BRDT: variants seen among roughly 807,000 people sequenced by gnomAD.
BRDT encodes bromodomain testis-specific protein.
BRDT carries 77 observed loss-of-function variants against 113.9 expected under a neutral mutation model. The ratio of observed to expected loss-of-function variants is 0.68; its 90% CI spans 0.56 to 0.82. The LOEUF is 0.82. BRDT is among the 40% of genes least tolerant of loss of function. The pLI, the probability that BRDT is intolerant of heterozygous loss-of-function variation, is 0.00. For missense variants in BRDT, 1,027 were observed against 1,105.4 expected (o/e 0.93, Z 1.01); for synonymous variants, 358 against 366.5 (o/e 0.98, Z 0.26).
At chr1:92,002,732 C>A (rs917926917) in intron 16 of BRDT, among the ~76,000 whole-genome samples, 8 of 152,114 alleles carry the variant, frequency 5.3e-5, no homozygotes, top group African/African-American at 1.9e-4. Flanking sequence ...AATTTTAAAG[C>A]ATGTCATAAA....
At chr1:91,978,443 A>T (rs1684363690) in intron 7 of BRDT, 147 bp downstream of exon 7, 3 of 927,564 alleles carry the variant, frequency 3.2e-6, no homozygotes, top group Non-Finnish European at 4.6e-6. Context: ...TTGCACCAAC[A>T]AAACAGTTTA....
chr1:92,002,372 GT>G lies in BRDT; in HGVS notation c.2388+232del, dbSNP rs370401501. Among the ~76,000 whole-genome samples the G allele has an allele frequency of 4.2e-3, 628 of 150,544 alleles. 3 individuals are homozygous for G. The highest frequency in any genetic ancestry group is 0.014 in the African/African-American group (575 of 40,996). ...CTCTTGTTTGTGTTTTTTTGTTGTT[GT>G]TTTTTTTTGAGATGGAGTCTCACTC... On this transcript the variant is annotated intron_variant, in intron 16 of 18. Transcript: ENST00000399546.
In BRDT at chr1:91,976,306, A is replaced by T; in HGVS notation, c.486A>T (p.Lys162Asn). ...QNIAVSSAKE[K>N]SSPSATEKVF... is the part of the protein sequence containing the mutation. ...TAGCTGTTTCTTCTGCTAAAGAAAA[A>T]TCATCACCCAGCGCAACAGAAAAAG... Residue 162 changes from lysine (K) to asparagine (N), a missense_variant, in exon 5 of 19, where the codon AAA becomes AAT. Transcript: ENST00000399546. 1 of 1,611,022 alleles carries T rather than the reference A, an allele frequency of 6.2e-7. No individual in the cohort carries two copies. Among genetic ancestry groups the T allele is most frequent in the Non-Finnish European group, 8.5e-7 (1 of 1,178,990 alleles).
At chr1:91,952,491 C>G (rs527914556) in intron 1 of BRDT, among the ~76,000 whole-genome samples, 2 of 152,044 alleles carry the variant, frequency 1.3e-5, no homozygotes, top group East Asian at 3.9e-4. Flanking sequence ...GTGGAAAATG[C>G]TCTGGGATGA....
Position 91,979,562 on chromosome 1 carries a change from A to G in BRDT, c.1099-7A>G, listed in dbSNP as rs752690619. On this transcript the variant is annotated splice_polypyrimidine_tract_variant and splice_region_variant and intron_variant, in intron 7 of 18. Coordinates refer to ENST00000399546, the MANE Select transcript of BRDT (RefSeq NM_207189.4). ...GAAAACCATAACAAACTAATTTTTC[A>G]TTACAGGATGTTTTCGAAACGCATT... is the stretch of plus-strand genomic sequence containing the variant. 6 of 1,599,940 alleles carry G rather than the reference A, an allele frequency of 3.8e-6. No homozygotes were observed. Among genetic ancestry groups the G allele is most frequent in the African/African-American group, 2.7e-5 (2 of 73,926 alleles).
At chr1:91,969,811 G>T (rs1259764239) in intron 4 of BRDT, among the ~76,000 whole-genome samples, 1 of 134,848 alleles carries the variant, frequency 7.4e-6, no homozygotes, top group Non-Finnish European at 1.6e-5. Context: ...TTTTGTTTTT[G>T]TGTGTGTGTG....
At chr1:91,958,509 C>T (rs931597262) in intron 1 of BRDT, among the ~76,000 whole-genome samples, 12 of 152,308 alleles carry the variant, frequency 7.9e-5, no homozygotes, top group Admixed American at 6.5e-4. Flanking sequence ...AGCCACCACG[C>T]CCAGCCGATA....
chr1:91,997,289 A>G (rs1020493278), intron 15 of BRDT, among the ~76,000 whole-genome samples: 6 of 152,174 alleles, frequency 3.9e-5, no homozygotes, highest in Non-Finnish European at 8.8e-5. Flanking sequence ...ATTGAGAAGT[A>G]ATGGAATTTG....
intron 4 of BRDT, among the ~76,000 whole-genome samples, chr1:91,975,370 T>G (rs947225103): frequency 3.9e-5 from 6 of 152,138 alleles, no homozygotes; most frequent in Non-Finnish European, 8.8e-5. Flanking sequence ...CTATGAGCAC[T>G]TTGGTTTTTA....
chr1:92,009,900 T>C (rs1687652900), intron 18 of BRDT, among the ~76,000 whole-genome samples: 2 of 152,072 alleles, frequency 1.3e-5, no homozygotes, highest in Non-Finnish European at 2.9e-5. Context: ...ACACTTTTGC[T>C]GAATTTAGAA....
At chr1:91,963,421 T>C (rs1682713607) in intron 2 of BRDT, among the ~76,000 whole-genome samples, 1 of 152,242 alleles carries the variant, frequency 6.6e-6, no homozygotes, top group South Asian at 2.1e-4. Flanking sequence ...TTCTGAGCAT[T>C]CGCATTCTTA....
intron 16 of BRDT, among the ~76,000 whole-genome samples, chr1:92,003,675 G>A (rs1047162180): frequency 2.0e-5 from 3 of 152,130 alleles, no homozygotes; most frequent in Admixed American, 6.5e-5. Context: ...TAGATCAATT[G>A]TTTCTAGTAG....
chr1:91,956,562 A>C (rs1336980024), intron 1 of BRDT, among the ~76,000 whole-genome samples: 1 of 152,184 alleles, frequency 6.6e-6, no homozygotes, highest in African/African-American at 2.4e-5. Context: ...TGGGTAATTT[A>C]AATTGTTATG....
chr1:91,977,130 A>G lies in BRDT; in HGVS notation c.706A>G (p.Thr236Ala), dbSNP rs984184721. ...AAGTAGTGAATTTTCTCCAACATTC[A>G]CAGAAAAATCAGTGGCACTGCCACC... ...KASSEFSPTF[T>A]EKSVALPPIK... is the part of the protein sequence containing the mutation. The change falls in exon 6 of 19, where the codon ACA (threonine) becomes GCA (alanine). Residue 236 changes from threonine (T) to alanine (A), a missense_variant. Thr to Ala is a moderately conservative substitution (Grantham distance 58). Coordinates refer to ENST00000399546, the MANE Select transcript of BRDT (RefSeq NM_207189.4). 1 of 1,613,846 alleles carries G rather than the reference A, an allele frequency of 6.2e-7. No individual in the cohort carries two copies. Among genetic ancestry groups the G allele is most frequent in the Admixed American group, 1.7e-5 (1 of 59,986 alleles).
chr1:91,981,705 A>C lies in BRDT; in HGVS notation c.1952A>C (p.Glu651Ala), dbSNP rs1414474261. The change falls in exon 12 of 19, where the codon GAA becomes GCA. Residue 651 changes from glutamate (E) to alanine (A), a missense_variant. Coordinates refer to ENST00000399546, the MANE Select transcript of BRDT (RefSeq NM_207189.4). The stretch of plus-strand genomic sequence containing the variant: ...AGCAGCAGCAGCTCATCAGAGTCTG[A>C]AAGTAGCAGCAGTGACTTAAGCTCT... ...SSSSSSSSES[E>A]SSSSDLSSSD... 6.2e-7 allele frequency: 1 copy of C among 1,614,180 alleles called. No individual in the cohort carries two copies. Among genetic ancestry groups the C allele is most frequent in the East Asian group, 2.2e-5 (1 of 44,886 alleles).
intron 1 of BRDT, among the ~76,000 whole-genome samples, chr1:91,954,756 A>G (rs934345823): frequency 1.5e-4 from 22 of 151,680 alleles, no homozygotes; most frequent in Admixed American, 1.2e-3. Flanking sequence ...CAAGAGTTTA[A>G]TAAGACCAGC....
At chr1:91,959,284 G>A (rs1682151727) in intron 1 of BRDT, among the ~76,000 whole-genome samples, 1 of 152,072 alleles carries the variant, frequency 6.6e-6, no homozygotes, top group Admixed American at 6.6e-5. Context: ...TTGTGGATGA[G>A]GGAGGTTACA....
Position 91,977,046 on chromosome 1 carries a change from A to G in BRDT, c.622A>G (p.Thr208Ala). 1 of 1,593,116 alleles carries G rather than the reference A, an allele frequency of 6.3e-7. No homozygotes were observed. Among genetic ancestry groups the G allele is most frequent in the Non-Finnish European group, 8.5e-7 (1 of 1,170,440 alleles). Reference sequence around the variant, plus strand: ...TTGTTGAATTGTTCTGTTGTAGGTTACAAAAGGTGTGAAGAGGAAAGCAGA... The same window carrying G: ...TTGTTGAATTGTTCTGTTGTAGGTTGCAAAAGGTGTGAAGAGGAAAGCAGA... ...NSSSQTAAQVTKGVKRKADTT... is the reference protein window; with the variant it reads ...NSSSQTAAQVAKGVKRKADTT... Residue 208 changes from threonine to alanine, a missense_variant, in exon 6 of 19, where the codon ACA becomes GCA. Coordinates refer to ENST00000399546, the MANE Select transcript of BRDT (RefSeq NM_207189.4).
At chr1:91,954,693 C>T (rs991693453) in intron 1 of BRDT, among the ~76,000 whole-genome samples, 9 of 152,128 alleles carry the variant, frequency 5.9e-5, no homozygotes, top group African/African-American at 1.2e-4. Context: ...TGATGGCTCA[C>T]GCCTGTAATC....
Sources: gnomAD v4.1 joint callset for allele counts (sites outside exome capture counted in the v4.1 genomes callset) on GRCh38, gnomAD v4.1.1 for gene constraint, MANE v1.5 for transcripts, NCBI Gene and HGNC (gene_info 2026-07-23, HGNC 2026-07-21) for gene names.